Variants in NOTCH2 observed in about 807,000 individuals in gnomAD.
NOTCH2 encodes notch receptor 2.
A neutral mutation model predicts 235.8 loss-of-function variants in NOTCH2; 29 were observed. The observed-to-expected ratio is 0.12, with a 90% CI of 0.09 to 0.17. NOTCH2 has a LOEUF of 0.17. Ranked by LOEUF, NOTCH2 falls within the 10% of genes least tolerant of loss-of-function variation. The probability of loss-of-function intolerance (pLI) is 1.00; values close to 1 mark genes in which losing one functional copy is unlikely to be tolerated. For synonymous variants in NOTCH2, 1,086 were observed against 1,141.5 expected (o/e 0.95, Z 0.98); for missense variants, 2,285 against 3,150.2 (o/e 0.73, Z 6.57).
At position 119,961,691 on chromosome 1, in the gene NOTCH2, G is replaced by T. The variant is rs587720941; in HGVS notation, c.1915+1883C>A. Among the ~76,000 whole-genome samples the T allele has an allele frequency of 1.1e-4, 17 of 152,310 alleles. No homozygotes were observed. The South Asian group carries it at 3.5e-3, about 32-fold the overall frequency. On this transcript the variant is annotated intron_variant, in intron 11 of 33. Transcript: ENST00000256646. ...GTTGGTCTGTTACTTGAAACACAAA[G>T]AAACTTACTTAAAACTTTACTATCA...
chr1:120,009,028 A>T (rs1653085993), intron 2 of NOTCH2, among the ~76,000 whole-genome samples: 2 of 152,100 alleles, frequency 1.3e-5, no homozygotes, highest in South Asian at 4.2e-4. Flanking sequence ...CTTCACTGAC[A>T]ATACTTGAGT....
At chr1:119,973,733 G>C (rs1651458754) in intron 5 of NOTCH2, among the ~76,000 whole-genome samples, 1 of 152,102 alleles carries the variant, frequency 6.6e-6, no homozygotes, top group Admixed American at 6.5e-5. Flanking sequence ...AAAGTTCTTG[G>C]CGATCACCTA....
In NOTCH2 at chr1:119,921,687, T is replaced by C. The variant is rs767065629; in HGVS notation, c.5310+26A>G. 4.4e-6 allele frequency: 7 copies of C among 1,582,732 alleles called. No individual in the cohort carries two copies. The East Asian group carries it at 1.3e-4, about 30-fold the overall frequency. The stretch of plus-strand genomic sequence containing the variant: ...AATGTAACCAGATAATGGCTGACAA[T>C]GGTGGTTCTACCATGGCCACCTCAC... On this transcript the variant is annotated intron_variant, in intron 29 of 33. Coordinates refer to ENST00000256646, the MANE Select transcript of NOTCH2 (RefSeq NM_024408.4).
chr1:119,969,638 G>T lies in NOTCH2; in HGVS notation c.981C>A (p.Val327=). 6.2e-7 allele frequency: 1 copy of T among 1,614,106 alleles called. No homozygotes were observed. Among genetic ancestry groups the T allele is most frequent in the South Asian group, 1.1e-5 (1 of 91,086 alleles). The change falls in exon 6 of 34, where the codon GTC becomes GTA. Residue 327 remains valine (V), a synonymous_variant. Transcript: ENST00000256646. ...TGCAGTCATCTCCACTCCAGCCGTT[G>T]ACACATACACAGCCATAGCCTCCAT... is the stretch of plus-strand genomic sequence containing the variant. ...NRNGGYGCVC[V]NGWSGDDCSE...
At chr1:119,950,903 A>T in intron 14 of NOTCH2, 66 bp from the exon 15 acceptor site, 1 of 1,024,310 alleles carries the variant, frequency 9.8e-7, no homozygotes, top group South Asian at 1.3e-5. Context: ...TTTCTAACCA[A>T]TTCTCTTTAG....
chr1:119,953,577 A>G lies in NOTCH2; in HGVS notation c.2331T>C (p.Asn777=), dbSNP rs1650570015. The G allele has an allele frequency of 6.2e-7, 1 of 1,614,222 alleles. No individual in the cohort carries two copies. The highest frequency in any genetic ancestry group is 8.5e-7 in the Non-Finnish European group (1 of 1,180,030). Residue 777 remains asparagine (N), a synonymous_variant, in exon 14 of 34, where the codon AAT becomes AAC. Transcript: ENST00000256646. ...QNGGTCDNLV[N]GYRCTCKKGF... Reference sequence around the variant, plus strand: ...CCTTCTTGCAAGTACACCTGTATCCATTCACCAGATTGTCACAAGTTCCTC... The same window carrying G: ...CCTTCTTGCAAGTACACCTGTATCCGTTCACCAGATTGTCACAAGTTCCTC...
At chr1:119,988,987 T>C (rs1421844970) in intron 4 of NOTCH2, among the ~76,000 whole-genome samples, 2 of 152,244 alleles carry the variant, frequency 1.3e-5, no homozygotes, top group Non-Finnish European at 2.9e-5. Flanking sequence ...ATAAAGTGTT[T>C]TCTTTTTATA....
At chr1:119,980,332 T>G (rs1175996679) in intron 5 of NOTCH2, among the ~76,000 whole-genome samples, 1 of 152,100 alleles carries the variant, frequency 6.6e-6, no homozygotes, top group Non-Finnish European at 1.5e-5. Context: ...AGTAAACCCC[T>G]CCCAATAATC....
chr1:119,996,903 C>T (rs1570728018), intron 4 of NOTCH2, 94 bp downstream of exon 4: 1 of 1,489,118 alleles, frequency 6.7e-7, no homozygotes, highest in East Asian at 2.3e-5. Flanking sequence ...TCCCTTTTTC[C>T]TTGGGCTTCC....
intron 23 of NOTCH2, 37 bp from the exon 24 acceptor site, chr1:119,926,648 A>G: frequency 6.6e-7 from 1 of 1,521,546 alleles, no homozygotes; most frequent in African/African-American, 1.4e-5. Flanking sequence ...TTTAAAAGGC[A>G]GAAGTAGTCA....
At chr1:120,037,549 C>A (rs1200458065) in intron 1 of NOTCH2, among the ~76,000 whole-genome samples, 2 of 143,598 alleles carry the variant, frequency 1.4e-5, no homozygotes, top group African/African-American at 5.4e-5. Flanking sequence ...GGGATCAAGC[C>A]ATGAAAAAAA....
chr1:119,921,585 T>C (rs1236729705), intron 29 of NOTCH2, 128 bp downstream of exon 29: 5 of 807,038 alleles, frequency 6.2e-6, no homozygotes, highest in South Asian at 5.7e-5. Context: ...AGGATAGTTA[T>C]TGTCTGGGTA....
Position 119,915,524 on chromosome 1 carries a change from G to A in NOTCH2, c.7198C>T (p.Arg2400Ter), listed in dbSNP as rs1325403451. The change falls in exon 34 of 34, where the codon CGA becomes TGA. Residue 2400 changes from arginine (R) to a stop codon, truncating the protein, a stop_gained. Coordinates refer to ENST00000256646, the MANE Select transcript of NOTCH2 (RefSeq NM_024408.4). LOFTEE classifies it high-confidence loss of function. ...AGGTGACCACTGTGACTGGGTGTTC[G>A]CTCAGCAGCATTTGAGGAAGCATAA... The part of the protein sequence containing the change: ...HSYASSNAAE[R>*]TPSHSGHLQG... The A allele has an allele frequency of 6.2e-7, 1 of 1,614,014 alleles. No individual in the cohort carries two copies. Among genetic ancestry groups the A allele is most frequent in the Non-Finnish European group, 8.5e-7 (1 of 1,179,998 alleles).
In NOTCH2 at chr1:119,920,216, G is replaced by T. The variant is rs1245939964; in HGVS notation, c.5479+13C>A. The T allele has an allele frequency of 6.2e-7, 1 of 1,613,648 alleles. No homozygotes were observed. Among genetic ancestry groups the T allele is most frequent in the Non-Finnish European group, 8.5e-7 (1 of 1,179,874 alleles). On this transcript the variant is annotated intron_variant, in intron 30 of 33. Transcript: ENST00000256646. The stretch of plus-strand genomic sequence containing the variant: ...CACAGCCCAGTGAAGAGGGGAAGAG[G>T]CCCGGTGCTGACCTGGGCCACGGAC...
At chr1:119,954,942 C>T in intron 13 of NOTCH2, 98 bp downstream of exon 13, 2 of 1,226,564 alleles carry the variant, frequency 1.6e-6, no homozygotes, top group Non-Finnish European at 2.4e-6. Flanking sequence ...AGTTTCAGCT[C>T]AAAGCCCCAT....
intron 5 of NOTCH2, 143 bp from the exon 6 acceptor site, chr1:119,969,887 A>C: frequency 1.3e-6 from 1 of 753,524 alleles, no homozygotes; most frequent in Non-Finnish European, 2.3e-6. Flanking sequence ...CTTCACATGA[A>C]TTTTAAGGCC....
intron 2 of NOTCH2, among the ~76,000 whole-genome samples, chr1:120,012,093 G>A (rs1453585030): frequency 6.2e-5 from 8 of 129,990 alleles, no homozygotes; most frequent in African/African-American, 1.8e-4. Context: ...TCTAGAGTGC[G>A]TGTGCTTCAA....
At position 119,950,705 on chromosome 1, in the gene NOTCH2, TG is replaced by T; in HGVS notation, c.2479+18del. On this transcript the variant is annotated intron_variant, in intron 15 of 33. Transcript: ENST00000256646. ...GTCAAGTATCCCCTCTGGTCCCTGC[TG>T]GTACCTCCAGGACCCACCTGTGTAT... is the stretch of plus-strand genomic sequence containing the variant. 2 of 1,501,402 alleles carry T rather than the reference TG, an allele frequency of 1.3e-6. No individual in the cohort carries two copies. Among genetic ancestry groups the T allele is most frequent in the Non-Finnish European group, 1.9e-6 (2 of 1,077,232 alleles). 93.0% of individuals were successfully genotyped at this position (1,501,402 alleles called of 1,614,324 possible). A position where few individuals can be genotyped will look rare whatever the true frequency, so the allele number is the denominator to read the frequency against.
intron 13 of NOTCH2, 50 bp from the exon 14 acceptor site, chr1:119,953,738 A>G (rs1346491323): frequency 6.6e-7 from 1 of 1,515,398 alleles, no homozygotes; most frequent in Admixed American, 1.7e-5. Flanking sequence ...CGTATGATTG[A>G]GTCATAGAGT....
Sources: gnomAD v4.1 joint callset for allele counts (sites outside exome capture counted in the v4.1 genomes callset) on GRCh38, gnomAD v4.1.1 for gene constraint, MANE v1.5 for transcripts, NCBI Gene and HGNC (gene_info 2026-07-23, HGNC 2026-07-21) for gene names.